The following SEM1 variants were observed in gnomAD, a reference collection of about 807,000 sequenced individuals.
The protein encoded by SEM1 is 26S proteasome complex subunit SEM1.
A neutral mutation model predicts 12.7 loss-of-function variants in SEM1; 3 were observed. That is an observed-to-expected ratio of 0.24 (90% confidence interval 0.11 to 0.61). The LOEUF is 0.61. Among genes scored for constraint, SEM1 ranks in the 20% least tolerant of loss-of-function variants. SEM1 has a pLI of 0.88. For missense variants in SEM1, 59 were observed against 81.3 expected, an observed-to-expected ratio of 0.73 and a Z score of 1.06; for synonymous variants, 30 against 27.8, an observed-to-expected ratio of 1.08 and a Z score of -0.25.
intron 1 of SEM1, among the ~76,000 whole-genome samples, chr7:96,488,849 T>C (rs904564441): frequency 6.6e-6 from 1 of 152,018 alleles, no homozygotes; most frequent in African/African-American, 2.4e-5. Context: ...CTTTGGGCTG[T>C]GGGTAAAAGA....
chr7:96,574,393 C>A (rs201290883), intron 2 of SEM1, among the ~76,000 whole-genome samples: 1 of 19,218 alleles, frequency 5.2e-5, no homozygotes, highest in African/African-American at 2.0e-4. Context: ...CCGCAATAAA[C>A]ATACGTGTGC....
At chr7:96,548,871 T>G (rs1805181503) in intron 2 of SEM1, among the ~76,000 whole-genome samples, 1 of 152,078 alleles carries the variant, frequency 6.6e-6, no homozygotes, top group Admixed American at 6.6e-5. Flanking sequence ...CAGAAGCAGA[T>G]CAAATTCCAT....
intron 1 of SEM1, among the ~76,000 whole-genome samples, chr7:96,487,262 T>C (rs1275031688): frequency 6.7e-6 from 1 of 149,944 alleles, no homozygotes; most frequent in East Asian, 1.9e-4. Context: ...ATATCTACAG[T>C]AAACACAATA....
intron 2 of SEM1, among the ~76,000 whole-genome samples, chr7:96,539,484 T>C (rs911476281): frequency 6.6e-6 from 1 of 151,738 alleles, no homozygotes; most frequent in Non-Finnish European, 1.5e-5. Context: ...GCTCCTACAA[T>C]ATGGCACTGA....
At chr7:96,663,799 G>GA (rs1049811287) in intron 2 of SEM1, among the ~76,000 whole-genome samples, 2 of 151,928 alleles carry the variant, frequency 1.3e-5, no homozygotes, top group African/African-American at 4.8e-5. Context: ...AGAATTTCAA[G>GA]AAAAAAATAT....
In SEM1 at chr7:96,580,797, G is replaced by A. The variant is rs533327384; in HGVS notation, c.171-74099C>T. On this transcript the variant is annotated intron_variant and NMD_transcript_variant, in intron 2 of 3. Transcript: ENST00000466986. ...TGAGAAGTGTCTGTTCATGTCCTTC[G>A]CCCACTTTTTGATGGGGTTGTTTGT... is the stretch of plus-strand genomic sequence containing the variant. Among the ~76,000 whole-genome samples, 267 of 152,136 alleles carry A rather than the reference G, an allele frequency of 1.8e-3. 1 individual carries two copies. Among genetic ancestry groups the A allele is most frequent in the East Asian group, 7.1e-3 (37 of 5,178 alleles).
chr7:96,508,743 T>G (rs1047471204), intron 2 of SEM1, among the ~76,000 whole-genome samples: 1 of 152,080 alleles, frequency 6.6e-6, no homozygotes. Context: ...CAATATAGAA[T>G]GTGGTCAAAG....
intron 2 of SEM1, among the ~76,000 whole-genome samples, chr7:96,666,508 T>C (rs1486406439): frequency 6.6e-6 from 1 of 152,166 alleles, no homozygotes; most frequent in Non-Finnish European, 1.5e-5. Flanking sequence ...TAGCAGGTAC[T>C]CAATAAAGTG....
intron 2 of SEM1, among the ~76,000 whole-genome samples, chr7:96,531,420 A>C (rs1054702585): frequency 6.8e-6 from 1 of 146,304 alleles, no homozygotes; most frequent in African/African-American, 2.7e-5. Flanking sequence ...AATATAAAAA[A>C]AAAAACAACA....
At chr7:96,632,391 A>G (rs4538796) in intron 2 of SEM1, among the ~76,000 whole-genome samples, 1 of 152,218 alleles carries the variant, frequency 6.6e-6, no homozygotes, top group East Asian at 1.9e-4. Flanking sequence ...GAATGAGTTC[A>G]TGTCCTTTGC....
intron 2 of SEM1, among the ~76,000 whole-genome samples, chr7:96,520,185 T>A (rs1009610397): frequency 6.6e-6 from 1 of 152,172 alleles, no homozygotes; most frequent in Non-Finnish European, 1.5e-5. Context: ...CAAGGGTCAC[T>A]CATCATACTG....
intron 1 of SEM1, among the ~76,000 whole-genome samples, chr7:96,704,894 C>A (rs1266007658): frequency 6.6e-6 from 1 of 152,172 alleles, no homozygotes; most frequent in African/African-American, 2.4e-5. Flanking sequence ...TTCTCAATAG[C>A]ATTTTTCACA....
chr7:96,573,525 A>C, intron 2 of SEM1, among the ~76,000 whole-genome samples: 1 of 152,162 alleles, frequency 6.6e-6, no homozygotes, highest in African/African-American at 2.4e-5. Context: ...TTCACTTATG[A>C]AACTTAGTTT....
At chr7:96,701,294 G>A (rs1790267252) in intron 1 of SEM1, among the ~76,000 whole-genome samples, 1 of 151,512 alleles carries the variant, frequency 6.6e-6, no homozygotes. Flanking sequence ...TCAATATGAT[G>A]GTATTCGGGA....
At chr7:96,510,888 G>T (rs1803915228) in intron 2 of SEM1, among the ~76,000 whole-genome samples, 2 of 152,066 alleles carry the variant, frequency 1.3e-5, no homozygotes, top group African/African-American at 2.4e-5. Context: ...GGATTAAAAA[G>T]ATTATTTGGA....
intron 2 of SEM1, among the ~76,000 whole-genome samples, chr7:96,603,485 T>C (rs939263282): frequency 1.3e-5 from 2 of 152,142 alleles, no homozygotes; most frequent in Non-Finnish European, 2.9e-5. Context: ...TGAGAGAGAA[T>C]GGTCACCACA....
intron 2 of SEM1, among the ~76,000 whole-genome samples, chr7:96,509,503 C>A (rs1222300120): frequency 6.6e-6 from 1 of 152,062 alleles, no homozygotes; most frequent in Admixed American, 6.6e-5. Context: ...AATGGAAGAA[C>A]AAACTCTACA....
chr7:96,518,864 G>T (rs1419948852), intron 2 of SEM1, among the ~76,000 whole-genome samples: 1 of 152,154 alleles, frequency 6.6e-6, no homozygotes, highest in Non-Finnish European at 1.5e-5. Context: ...GGCCTGCATG[G>T]CCTAGTATGT....
In SEM1 at chr7:96,677,708, T is replaced by C. The variant is rs1194794091; in HGVS notation, c.171-3849A>G. 2.0e-5 allele frequency among the ~76,000 whole-genome samples: 3 copies of C among 152,028 alleles called. 1 individual carries two copies. The Middle Eastern group carries it at 9.5e-3, about 481-fold the overall frequency. On this transcript the variant is annotated intron_variant, in intron 2 of 2. Transcript: ENST00000413065. ...GTTTTCCTCATCATTATTATCTCTT[T>C]TTAAGATAGAAAGTCCTCAATTGGC...
Sources: allele counts gnomAD v4.1 joint callset (sites outside exome capture counted in the v4.1 genomes callset), GRCh38; gene constraint gnomAD v4.1.1; transcripts MANE v1.5; gene names NCBI Gene and HGNC (gene_info 2026-07-23, HGNC 2026-07-21).